The following GALNT18 variants were observed in gnomAD, a reference collection of about 807,000 sequenced individuals.
The protein encoded by GALNT18 is polypeptide N-acetylgalactosaminyltransferase 18, also known as GalNAc-transferase 18.
Under a neutral mutation model 69.5 loss-of-function variants are expected in GALNT18, and 44 were observed. That is an observed-to-expected ratio of 0.63 (90% CI 0.50 to 0.81). The LOEUF is 0.81. GALNT18 is among the 40% of genes least tolerant of loss of function. The pLI is 0.00. For synonymous variants in GALNT18, 364 were observed against 318.2 expected (o/e 1.14, Z -1.53); for missense variants, 715 against 810.0 (o/e 0.88, Z 1.42).
rs938792393 is a variant in GALNT18, at chr11:11,595,204, C to T, written c.235+26155G>A. 6.6e-6 allele frequency among the ~76,000 whole-genome samples: 1 copy of T among 152,000 alleles called. No individual in the cohort carries two copies. Among genetic ancestry groups the T allele is most frequent in the African/African-American group, 2.4e-5 (1 of 41,372 alleles). On this transcript the variant is annotated intron_variant, in intron 1 of 10. Coordinates refer to ENST00000227756, the MANE Select transcript of GALNT18 (RefSeq NM_198516.3). This position sits in a 1 kb window ranked among gnomAD's most constrained non-coding sequence, Gnocchi z 5.2. ...AAATTCATATGTTGAAATCTAATCA[C>T]CAAGGTGATGTCTTTAGAAGGTGGG...
At chr11:11,378,289 G>C (rs1348055504) in intron 4 of GALNT18, among the ~76,000 whole-genome samples, 1 of 152,214 alleles carries the variant, frequency 6.6e-6, no homozygotes, top group African/African-American at 2.4e-5. Context: ...TGTGGAGTCT[G>C]GGGAGGAGAG....
At position 11,573,318 on chromosome 11, in the gene GALNT18, G is replaced by C. The variant is rs1334708260; in HGVS notation, c.235+48041C>G. ...GGCCGCAGCATCACAGTGCCTGTGG[G>C]AAGGCTGGGCAGACTGAAATAAAAG... is the stretch of plus-strand genomic sequence containing the variant. On this transcript the variant is annotated intron_variant, in intron 1 of 10. Transcript: ENST00000227756. The surrounding 1 kb of genome is among the most constrained non-coding windows in gnomAD (Gnocchi z 4.6). Among the ~76,000 whole-genome samples the C allele has an allele frequency of 6.6e-6, 1 of 152,218 alleles. No homozygotes were observed. The highest frequency in any genetic ancestry group is 1.5e-5 in the Non-Finnish European group (1 of 68,042).
intron 6 of GALNT18, chr11:11,353,448 C>T (rs911719708): frequency 4.8e-5 from 21 of 441,376 alleles, no homozygotes; most frequent in Middle Eastern, 1.2e-3. Context: ...TGTGAGGCAC[C>T]GTCTCCTTGT....
intron 10 of GALNT18, among the ~76,000 whole-genome samples, chr11:11,290,425 C>A (rs1245658698): frequency 1.3e-5 from 2 of 152,182 alleles, no homozygotes; most frequent in Non-Finnish European, 2.9e-5. Context: ...GGTTACATAT[C>A]CTTATCTCCC....
At chr11:11,285,103 G>T (rs547110558) in intron 10 of GALNT18, among the ~76,000 whole-genome samples, 1 of 152,030 alleles carries the variant, frequency 6.6e-6, no homozygotes, top group African/African-American at 2.4e-5. Context: ...GGAGTTTGCT[G>T]AGGAGGTAGG....
At chr11:11,393,310 G>A (rs139907957) in intron 3 of GALNT18, among the ~76,000 whole-genome samples, 204 of 152,328 alleles carry the variant, frequency 1.3e-3, no homozygotes, top group Middle Eastern at 3.4e-3. Flanking sequence ...CCATGTTCCC[G>A]GGCTCCTAAG....
chr11:11,350,601 C>G lies in GALNT18; in HGVS notation c.1093-9597G>C, dbSNP rs184561857. On this transcript the variant is annotated intron_variant, in intron 6 of 10. Transcript: ENST00000227756. ...CAGAGACCCCTATTGCTCACTGACA[C>G]CTGGGTGCTCCTCCATATTTCCCTG... Among the ~76,000 whole-genome samples the G allele has an allele frequency of 1.1e-4, 17 of 152,248 alleles. No individual in the cohort carries two copies. The South Asian group carries it at 3.3e-3, about 30-fold the overall frequency.
rs181165610 is a variant in GALNT18, at chr11:11,294,287, C to T, written c.1513-1094G>A. 8.5e-5 allele frequency among the ~76,000 whole-genome samples: 13 copies of T among 152,290 alleles called. No homozygotes were observed. The East Asian group carries it at 9.6e-4, about 11-fold the overall frequency. ...GGAAATGCTGTCTACCAGAGAATTA[C>T]GTTAGAGACGCAGCACCAGGGTTTT... On this transcript the variant is annotated intron_variant, in intron 9 of 10. Transcript: ENST00000227756.
intron 10 of GALNT18, among the ~76,000 whole-genome samples, chr11:11,272,397 C>T (rs1201381253): frequency 6.6e-6 from 1 of 152,152 alleles, no homozygotes; most frequent in Non-Finnish European, 1.5e-5. Flanking sequence ...ATCTCCCTTC[C>T]AACCTCCAGA....
chr11:11,547,695 G>T (rs1858092267), intron 1 of GALNT18, among the ~76,000 whole-genome samples: 1 of 152,196 alleles, frequency 6.6e-6, no homozygotes, highest in East Asian at 1.9e-4. Context: ...CCATCTCCCT[G>T]AATCCATACA....
In GALNT18 at chr11:11,346,584, C is replaced by T. The variant is rs1171753302; in HGVS notation, c.1093-5580G>A. 2.6e-5 allele frequency among the ~76,000 whole-genome samples: 4 copies of T among 152,170 alleles called. No homozygotes were observed. In the East Asian group the frequency reaches 5.8e-4, roughly 22 times the overall value. ...TAGGAAGTCATCAAATGAGCACAGGCGATAGCAGGCAGCTTCCTCTTGTGG... is the reference window on the plus strand; with the variant it reads ...TAGGAAGTCATCAAATGAGCACAGGTGATAGCAGGCAGCTTCCTCTTGTGG... On this transcript the variant is annotated intron_variant, in intron 6 of 10. Coordinates refer to ENST00000227756, the MANE Select transcript of GALNT18 (RefSeq NM_198516.3).
intron 1 of GALNT18, among the ~76,000 whole-genome samples, chr11:11,506,961 A>G (rs2133907286): frequency 6.6e-6 from 1 of 152,324 alleles, no homozygotes; most frequent in East Asian, 1.9e-4. Flanking sequence ...AAAGTACAGG[A>G]CAAAACCCTT....
In GALNT18 at chr11:11,293,106, C is replaced by T. The variant is rs150701186; in HGVS notation, c.1600G>A (p.Val534Ile). The change falls in exon 10 of 11, where the codon GTC (valine) becomes ATC (isoleucine). Residue 534 changes from valine to isoleucine, a missense_variant. Coordinates refer to ENST00000227756, the MANE Select transcript of GALNT18 (RefSeq NM_198516.3). ...TCGATGAGCCGGGGCCGGCTGTTGACGTCCACCAGGCATCGGTTGTCATCA... is the reference window on the plus strand; with the variant it reads ...TCGATGAGCCGGGGCCGGCTGTTGATGTCCACCAGGCATCGGTTGTCATCA... Reference protein sequence around the residue: ...DDDDNRCLVDVNSRPRLIECS... With the variant: ...DDDDNRCLVDINSRPRLIECS... The T allele has an allele frequency of 6.0e-5, 82 of 1,375,512 alleles. No individual in the cohort carries two copies. In the Middle Eastern group the frequency reaches 1.2e-3, roughly 20 times the overall value. The allele number at this position is 1,375,512 out of a possible 1,614,324, so 85.2% of individuals were successfully genotyped here.
At position 11,459,326 on chromosome 11, in the gene GALNT18, C is replaced by G. The variant is rs899071897; in HGVS notation, c.236-10390G>C. Among the ~76,000 whole-genome samples the G allele has an allele frequency of 1.3e-5, 2 of 152,118 alleles. No homozygotes were observed. The highest frequency in any genetic ancestry group is 4.8e-5 in the African/African-American group (2 of 41,416). On this transcript the variant is annotated intron_variant, in intron 1 of 10. Coordinates refer to ENST00000227756, the MANE Select transcript of GALNT18 (RefSeq NM_198516.3). The surrounding 1 kb of genome is among the most constrained non-coding windows in gnomAD (Gnocchi z 5.0). ...TGACAGCAAAGAGCTTGGAACCAAT[C>G]AGGAGGAAGGAGCCCTGACAGTCTC...
Position 11,463,789 on chromosome 11 carries a change from A to G in GALNT18, c.236-14853T>C, listed in dbSNP as rs1382623487. On this transcript the variant is annotated intron_variant, in intron 1 of 10. Transcript: ENST00000227756. This position sits in a 1 kb window ranked among gnomAD's most constrained non-coding sequence, Gnocchi z 4.2. ...ATTTTCAAACAAAATCCATTTCTTG[A>G]GCATGACGGTAAAAATATTTATCAC... Among the ~76,000 whole-genome samples the G allele has an allele frequency of 6.6e-6, 1 of 152,214 alleles. No individual in the cohort carries two copies. Among genetic ancestry groups the G allele is most frequent in the Non-Finnish European group, 1.5e-5 (1 of 68,040 alleles).
Position 11,341,106 on chromosome 11 carries a change from CT to C in GALNT18, c.1093-103del. 9.0e-7 allele frequency: 1 copy of C among 1,115,430 alleles called. No homozygotes were observed. Among genetic ancestry groups the C allele is most frequent in the Non-Finnish European group, 1.3e-6 (1 of 782,890 alleles). The allele number at this position is 1,115,430 out of a possible 1,614,324, so 69.1% of individuals were successfully genotyped here. A position where few individuals can be genotyped will look rare whatever the true frequency, so the allele number is the denominator to read the frequency against. ...ACATGAGCAGGAAGAAAGTCAGCCCCTTCACCTTGACTCCCCAGATCACTCT... is the reference window on the plus strand; with the variant it reads ...ACATGAGCAGGAAGAAAGTCAGCCCCTCACCTTGACTCCCCAGATCACTCT... On this transcript the variant is annotated intron_variant, in intron 6 of 10. Transcript: ENST00000227756. The surrounding 1 kb of genome is among the most constrained non-coding windows in gnomAD (Gnocchi z 6.3).
At chr11:11,351,375 G>A (rs1294159440) in intron 6 of GALNT18, among the ~76,000 whole-genome samples, 7 of 152,216 alleles carry the variant, frequency 4.6e-5, no homozygotes, top group Non-Finnish European at 1.0e-4. Flanking sequence ...TCCTTGGAAA[G>A]CCACAGACAG....
At chr11:11,502,862 G>T (rs548161893) in intron 1 of GALNT18, among the ~76,000 whole-genome samples, 15 of 152,090 alleles carry the variant, frequency 9.9e-5, no homozygotes, top group Non-Finnish European at 1.5e-4. Context: ...AACGCTCTCC[G>T]AATGAAGGGC....
chr11:11,340,687 G>T lies in GALNT18; in HGVS notation c.1278+132C>A. The T allele has an allele frequency of 1.3e-6, 1 of 782,430 alleles. No individual in the cohort carries two copies. Among genetic ancestry groups the T allele is most frequent in the South Asian group, 2.1e-5 (1 of 48,366 alleles). The allele number at this position is 782,430 out of a possible 1,614,324, so 48.5% of individuals were successfully genotyped here. On this transcript the variant is annotated intron_variant, in intron 7 of 10. Transcript: ENST00000227756. This position sits in a 1 kb window ranked among gnomAD's most constrained non-coding sequence, Gnocchi z 4.2. ...TTTCTTCAGCAAATAATATGTTTTG[G>T]GGTTGAGAGTCCATTCTTGCATGGC... is the stretch of plus-strand genomic sequence containing the variant.
Sources: allele counts gnomAD v4.1 joint callset (sites outside exome capture counted in the v4.1 genomes callset), GRCh38; gene constraint gnomAD v4.1.1; non-coding constraint Gnocchi (gnomAD v3.1); transcripts MANE v1.5; gene names NCBI Gene and HGNC (gene_info 2026-07-23, HGNC 2026-07-21).